Variants in NAPG observed in about 807,000 individuals in gnomAD.
The protein encoded by NAPG is NSF attachment protein gamma.
A neutral mutation model predicts 48.4 loss-of-function variants in NAPG; 25 were observed. That is an observed-to-expected ratio of 0.52 (90% confidence interval 0.38 to 0.72). The LOEUF is 0.72. NAPG is among the 30% of genes least tolerant of loss of function. NAPG has a pLI of 0.00. For missense variants in NAPG, 359 were observed against 372.5 expected (o/e 0.96, Z 0.30); for synonymous variants, 139 against 127.2 (o/e 1.09, Z -0.62).
Position 10,544,316 on chromosome 18 carries a change from G to A in NAPG, c.507-2010G>A, listed in dbSNP as rs1194151932. ...GGATACAGTGTAGCTAGGTCCTAGTGTAGCTAGGTAGCAGAGCTAGGGTCT... is the reference window on the plus strand; with the variant it reads ...GGATACAGTGTAGCTAGGTCCTAGTATAGCTAGGTAGCAGAGCTAGGGTCT... On this transcript the variant is annotated intron_variant, in intron 8 of 11. Transcript: ENST00000322897. The surrounding 1 kb of genome is among the most constrained non-coding windows in gnomAD (Gnocchi z 5.1). Among the ~76,000 whole-genome samples, 3 of 152,218 alleles carry A rather than the reference G, an allele frequency of 2.0e-5. No individual in the cohort carries two copies. The highest frequency in any genetic ancestry group is 7.2e-5 in the African/African-American group (3 of 41,464).
intron 4 of NAPG, 103 bp downstream of exon 4, chr18:10,533,656 A>G (rs1258604493): frequency 3.2e-6 from 3 of 946,996 alleles, no homozygotes; most frequent in Non-Finnish European, 4.7e-6. Context: ...TTTTGTATTG[A>G]TTTAAATAAT....
At chr18:10,545,322 A>T (rs1403158122) in intron 8 of NAPG, among the ~76,000 whole-genome samples, 1 of 152,208 alleles carries the variant, frequency 6.6e-6, no homozygotes, top group Non-Finnish European at 1.5e-5. Flanking sequence ...AAAAAAAAAT[A>T]AAAAGACAGA....
intron 7 of NAPG, 128 bp from the exon 8 acceptor site, chr18:10,540,201 A>G: frequency 9.4e-7 from 1 of 1,059,748 alleles, no homozygotes; most frequent in Non-Finnish European, 1.4e-6. Context: ...AGAGTAGTGA[A>G]ATGAACTAGC....
intron 1 of NAPG, among the ~76,000 whole-genome samples, chr18:10,526,965 G>A (rs1257653227): frequency 6.6e-5 from 10 of 152,006 alleles, no homozygotes; most frequent in Non-Finnish European, 1.3e-4. Context: ...CGAGGCGGGC[G>A]GATCACAAGG....
At position 10,548,939 on chromosome 18, in the gene NAPG, G is replaced by A. The variant is rs375768002; in HGVS notation, c.666-28G>A. The A allele has an allele frequency of 9.6e-5, 154 of 1,606,672 alleles. No homozygotes were observed. In the African/African-American group the frequency reaches 1.7e-3, roughly 18 times the overall value. On this transcript the variant is annotated intron_variant, in intron 10 of 11. Transcript: ENST00000322897. This position sits in a 1 kb window ranked among gnomAD's most constrained non-coding sequence, Gnocchi z 4.4. ...AGATGTGTTCTTTTAAGGAGAAGGTGAAGACGTGTGATTTGTGCTTACTGC... is the reference window on the plus strand; with the variant it reads ...AGATGTGTTCTTTTAAGGAGAAGGTAAAGACGTGTGATTTGTGCTTACTGC...
chr18:10,530,730 T>A (rs2031912065), intron 1 of NAPG, 40 bp from the exon 2 acceptor site: 3 of 1,337,416 alleles, frequency 2.2e-6, no homozygotes, highest in Non-Finnish European at 3.0e-6. Flanking sequence ...CTTATAAATG[T>A]GGTTGGTAAC....
chr18:10,527,559 G>A (rs1053472231), intron 1 of NAPG, among the ~76,000 whole-genome samples: 1 of 152,222 alleles, frequency 6.6e-6, no homozygotes, highest in Non-Finnish European at 1.5e-5. Context: ...CAAAAAAGCT[G>A]TATTAACTGT....
At chr18:10,530,367 G>A (rs186246958) in intron 1 of NAPG, among the ~76,000 whole-genome samples, 50 of 152,056 alleles carry the variant, frequency 3.3e-4, no homozygotes, top group Admixed American at 2.0e-3. Flanking sequence ...TTGTCTGTGC[G>A]TCAGTTTCAT....
In NAPG at chr18:10,543,148, AAAG is replaced by A. The variant is rs1321078537; in HGVS notation, c.506+2752_506+2754del. ...AGACTCCCATCTCAAAAAAAAAAAA[AAAG>A]AAAAGAAAAGAAAAAAAGACCTTTC... On this transcript the variant is annotated intron_variant, in intron 8 of 11. Coordinates refer to ENST00000322897, the MANE Select transcript of NAPG (RefSeq NM_003826.3). This position sits in a 1 kb window ranked among gnomAD's most constrained non-coding sequence, Gnocchi z 4.4. Among the ~76,000 whole-genome samples, 6 of 150,590 alleles carry A rather than the reference AAAG, an allele frequency of 4.0e-5. No individual in the cohort carries two copies. The highest frequency in any genetic ancestry group is 8.8e-5 in the Non-Finnish European group (6 of 67,816).
chr18:10,526,421 G>T (rs893452680), intron 1 of NAPG: 27 of 502,676 alleles, frequency 5.4e-5, no homozygotes, highest in Middle Eastern at 5.2e-4. Flanking sequence ...GGGACTCGGC[G>T]CAGTGCTGCG....
rs895195803 is a variant in NAPG at position 10,550,418 on chromosome 18, A to G, written c.*198A>G. ...CTGTGAAGCATATCTTTTTCTTTCC[A>G]TAAGAGCTTTTCTAAGACACCAGCA... On this transcript the variant is annotated 3_prime_UTR_variant, in exon 12 of 12. Coordinates refer to ENST00000322897, the MANE Select transcript of NAPG (RefSeq NM_003826.3). 1.8e-5 allele frequency: 9 copies of G among 489,682 alleles called. No homozygotes were observed. Among genetic ancestry groups the G allele is most frequent in the Admixed American group, 4.7e-5 (1 of 21,376 alleles). The allele number at this position is 489,682 out of a possible 1,614,324, so 30.3% of individuals were successfully genotyped here.
Position 10,550,658 on chromosome 18 carries a change from T to G in NAPG, c.*438T>G, listed in dbSNP as rs2032369914. ...TTACTGATAAATCATTTTAAAATTT[T>G]TTTGTTTTGAAAAGTAAATTTATCC... On this transcript the variant is annotated 3_prime_UTR_variant, in exon 12 of 12. Coordinates refer to ENST00000322897, the MANE Select transcript of NAPG (RefSeq NM_003826.3). 1 of 154,378 alleles carries G rather than the reference T, an allele frequency of 6.5e-6. No homozygotes were observed. Among genetic ancestry groups the G allele is most frequent in the African/African-American group, 2.4e-5 (1 of 41,454 alleles). The allele number at this position is 154,378 out of a possible 1,614,324, so 9.6% of individuals were successfully genotyped here. A position where few individuals can be genotyped will look rare whatever the true frequency, so the allele number is the denominator to read the frequency against.
intron 1 of NAPG, among the ~76,000 whole-genome samples, chr18:10,529,354 T>C (rs2143088846): frequency 6.6e-6 from 1 of 152,356 alleles, no homozygotes; most frequent in East Asian, 1.9e-4. Context: ...GTGAAATTCT[T>C]GGTAAGCTTG....
At chr18:10,526,295 C>T (rs953160359) in intron 1 of NAPG, 137 bp downstream of exon 1, 5 of 834,732 alleles carry the variant, frequency 6.0e-6, no homozygotes, top group East Asian at 2.7e-5. Context: ...GCAGGGCTGC[C>T]GGGGCTCGGT....
chr18:10,548,365 C>G lies in NAPG; in HGVS notation c.652C>G (p.Arg218Gly). The G allele has an allele frequency of 6.2e-7, 1 of 1,613,330 alleles. No homozygotes were observed. The highest frequency in any genetic ancestry group is 8.5e-7 in the Non-Finnish European group (1 of 1,179,408). Residue 218 changes from arginine to glycine, a missense_variant, in exon 10 of 12, where the codon CGG becomes GGG. Transcript: ENST00000322897. The surrounding 1 kb of genome is among the most constrained non-coding windows in gnomAD (Gnocchi z 4.4). Reference protein sequence around the residue: ...NDYVAAERCVRESYSIPGFNG... With the variant: ...NDYVAAERCVGESYSIPGFNG... ...CTATGTAGCTGCAGAAAGATGTGTC[C>G]GGGAGAGCTATAGGTAAGACGTTGT... is the stretch of plus-strand genomic sequence containing the variant.
rs2032381671 is a variant in NAPG at position 10,551,047 on chromosome 18, G to A, written c.*827G>A. 1.3e-5 allele frequency: 2 copies of A among 151,168 alleles called. No individual in the cohort carries two copies. Among genetic ancestry groups the A allele is most frequent in the Non-Finnish European group, 2.9e-5 (2 of 67,802 alleles). The allele number at this position is 151,168 out of a possible 1,614,324, so 9.4% of individuals were successfully genotyped here. ...CTCACTCTTTTGCCCAGGCTGGAGT[G>A]CAGTGGCACAATCACGGCTCCCAGG... On this transcript the variant is annotated 3_prime_UTR_variant, in exon 12 of 12. Transcript: ENST00000322897.
chr18:10,541,296 T>G (rs2032152265), intron 8 of NAPG, among the ~76,000 whole-genome samples: 1 of 152,222 alleles, frequency 6.6e-6, no homozygotes, highest in African/African-American at 2.4e-5. Context: ...GGAATAGAAA[T>G]TTCATTTTGT....
intron 1 of NAPG, among the ~76,000 whole-genome samples, chr18:10,527,220 A>G (rs946875240): frequency 1.3e-5 from 2 of 151,556 alleles, no homozygotes; most frequent in Non-Finnish European, 2.9e-5. Flanking sequence ...AGAAAAAGTC[A>G]GCATTGTGCT....
intron 8 of NAPG, among the ~76,000 whole-genome samples, chr18:10,541,172 C>T (rs763651445): frequency 4.6e-5 from 7 of 152,030 alleles, no homozygotes; most frequent in African/African-American, 1.7e-4. Context: ...CAATTTAAAC[C>T]GGTCTAGAGT....
Sources: gnomAD v4.1 joint callset for allele counts (sites outside exome capture counted in the v4.1 genomes callset) on GRCh38, gnomAD v4.1.1 for gene constraint, Gnocchi (gnomAD v3.1) non-coding constraint, MANE v1.5 for transcripts, NCBI Gene and HGNC (gene_info 2026-07-23, HGNC 2026-07-21) for gene names.